The following PTPRT variants were observed in gnomAD, a reference collection of about 807,000 sequenced individuals.
The protein encoded by PTPRT is protein tyrosine phosphatase receptor type T.
In PTPRT, 56 loss-of-function variants were observed where a neutral mutation model predicts 176.8. That is an observed-to-expected ratio of 0.32 (90% confidence interval 0.26 to 0.40). The LOEUF (loss-of-function observed/expected upper bound fraction) is 0.40. Among genes scored for constraint, PTPRT ranks in the 10% least tolerant of loss-of-function variants. The probability of loss-of-function intolerance (pLI) is 1.00; values close to 1 mark genes in which losing one functional copy is unlikely to be tolerated. For missense variants in PTPRT, 1,540 were observed against 1,908.2 expected (o/e 0.81, Z 3.60); for synonymous variants, 783 against 739.0 (o/e 1.06, Z -0.96).
intron 14 of PTPRT, among the ~76,000 whole-genome samples, chr20:42,240,585 C>T (rs1255879939): frequency 6.6e-6 from 1 of 152,162 alleles, no homozygotes; most frequent in Admixed American, 6.5e-5. Context: ...ACAAAGTTGT[C>T]TATCTAACGA....
chr20:42,932,817 C>T (rs1190194349), intron 1 of PTPRT, among the ~76,000 whole-genome samples: 1 of 152,246 alleles, frequency 6.6e-6, no homozygotes, highest in Non-Finnish European at 1.5e-5. Context: ...ACCTCCTCAA[C>T]AGGCGTCTAC....
At chr20:42,724,034 G>A (rs2076341992) in intron 6 of PTPRT, among the ~76,000 whole-genome samples, 1 of 152,198 alleles carries the variant, frequency 6.6e-6, no homozygotes, top group Admixed American at 6.5e-5. Flanking sequence ...AGCAATGCAT[G>A]ACTTTTAAAG....
At chr20:42,084,387 A>G (rs1469505290) in intron 29 of PTPRT, among the ~76,000 whole-genome samples, 1 of 152,174 alleles carries the variant, frequency 6.6e-6, no homozygotes, top group East Asian at 1.9e-4. Flanking sequence ...TTTTTGTCCT[A>G]TGATCCCTTT....
chr20:42,056,011 C>T, the PTPRT span, among the ~76,000 whole-genome samples: 3 of 152,188 alleles, frequency 2.0e-5, no homozygotes, highest in Admixed American at 6.5e-5. Context: ...ATGTTCCACC[C>T]TCCGCTGTCC....
At chr20:42,064,826 G>T in the PTPRT span, among the ~76,000 whole-genome samples, 29 of 152,180 alleles carry the variant, frequency 1.9e-4, no homozygotes, top group Non-Finnish European at 3.7e-4. Flanking sequence ...AATCACTGCT[G>T]ACCTCAGTGA....
In PTPRT at chr20:42,795,291, C is replaced by T. The variant is rs544617143; in HGVS notation, c.215-3825G>A. 3.3e-5 allele frequency among the ~76,000 whole-genome samples: 5 copies of T among 152,282 alleles called. No individual in the cohort carries two copies. In the East Asian group the frequency reaches 9.6e-4, roughly 29 times the overall value. On this transcript the variant is annotated intron_variant, in intron 2 of 30. Transcript: ENST00000373187. The stretch of plus-strand genomic sequence containing the variant: ...TTGTGGAATTAAACCAGGAAGTACT[C>T]TCTGGCTGGCCATAAATTTTGCATT...
At chr20:42,185,156 T>C (rs1990725349) in intron 16 of PTPRT, among the ~76,000 whole-genome samples, 1 of 152,094 alleles carries the variant, frequency 6.6e-6, no homozygotes, top group Non-Finnish European at 1.5e-5. Flanking sequence ...ACCACATAGA[T>C]TAAACCCATG....
At chr20:43,016,215 CT>C (rs1600649878) in intron 1 of PTPRT, among the ~76,000 whole-genome samples, 2 of 152,324 alleles carry the variant, frequency 1.3e-5, no homozygotes, top group East Asian at 3.9e-4. Context: ...GCCTCCCCCT[CT>C]TTTCCCCATG....
chr20:42,392,994 T>C (rs1185813766), intron 9 of PTPRT, among the ~76,000 whole-genome samples: 1 of 152,154 alleles, frequency 6.6e-6, no homozygotes, highest in African/African-American at 2.4e-5. Flanking sequence ...GAGTGGACAG[T>C]TGTGCCAAAA....
At chr20:42,334,913 A>G (rs1000402243) in intron 11 of PTPRT, among the ~76,000 whole-genome samples, 2 of 152,246 alleles carry the variant, frequency 1.3e-5, no homozygotes, top group African/African-American at 4.8e-5. Context: ...TACCTCTTCT[A>G]TCTCCTCACT....
intron 6 of PTPRT, among the ~76,000 whole-genome samples, chr20:42,744,838 G>C (rs1321190678): frequency 6.6e-6 from 1 of 152,186 alleles, no homozygotes; most frequent in Non-Finnish European, 1.5e-5. Context: ...GACTCTGAAA[G>C]GACATGCAGC....
intron 2 of PTPRT, among the ~76,000 whole-genome samples, chr20:42,845,258 T>C (rs1600463166): frequency 6.7e-6 from 1 of 148,432 alleles, no homozygotes. Flanking sequence ...TGGGGAAAGC[T>C]AAAGGGCTGT....
intron 27 of PTPRT, among the ~76,000 whole-genome samples, chr20:42,093,152 T>C (rs1984813867): frequency 6.6e-6 from 1 of 152,080 alleles, no homozygotes; most frequent in Non-Finnish European, 1.5e-5. Context: ...CTAAACAGTA[T>C]GGTGAGTATG....
chr20:42,575,548 C>T (rs1218626828), intron 7 of PTPRT, among the ~76,000 whole-genome samples: 3 of 152,180 alleles, frequency 2.0e-5, no homozygotes, highest in African/African-American at 7.2e-5. Context: ...CAGTGCTTTG[C>T]ACCTAACCCA....
At chr20:42,969,128 T>A (rs184378167) in intron 1 of PTPRT, 1 of 152,218 alleles carries the variant, frequency 6.6e-6, no homozygotes, top group Non-Finnish European at 1.5e-5. Flanking sequence ...ACACGTACAC[T>A]TGCCTAAAGG....
intron 1 of PTPRT, among the ~76,000 whole-genome samples, chr20:43,020,110 G>A (rs538755669): frequency 1.1e-4 from 14 of 124,568 alleles, no homozygotes; most frequent in Admixed American, 4.5e-4. Flanking sequence ...GTGTGTGTGT[G>A]TATATATATA....
chr20:42,963,229 T>C (rs1032422158), intron 1 of PTPRT, among the ~76,000 whole-genome samples: 1 of 143,724 alleles, frequency 7.0e-6, no homozygotes, highest in Non-Finnish European at 1.5e-5. Flanking sequence ...ATAAAAACAG[T>C]ACAAAAATTA....
intron 1 of PTPRT, among the ~76,000 whole-genome samples, chr20:42,956,370 T>G (rs1244071726): frequency 6.6e-6 from 1 of 152,090 alleles, no homozygotes; most frequent in Non-Finnish European, 1.5e-5. Flanking sequence ...ATCCAGTTGT[T>G]TGAAAGTTTG....
intron 9 of PTPRT, among the ~76,000 whole-genome samples, chr20:42,413,560 C>T (rs1275895598): frequency 1.3e-5 from 2 of 152,060 alleles, no homozygotes; most frequent in African/African-American, 2.4e-5. Flanking sequence ...TTGAGCAGCT[C>T]AATAAAATAC....
Sources: allele counts gnomAD v4.1 joint callset (sites outside exome capture counted in the v4.1 genomes callset), GRCh38; gene constraint gnomAD v4.1.1; transcripts MANE v1.5; gene names NCBI Gene and HGNC (gene_info 2026-07-23, HGNC 2026-07-21).